EHBP1: variants seen among roughly 807,000 people sequenced by gnomAD.
EHBP1 encodes EH domain-binding protein 1.
EHBP1 carries 55 observed loss-of-function variants against 144.0 expected under a neutral mutation model. The ratio of observed to expected loss-of-function variants is 0.38; its 90% CI spans 0.31 to 0.48. The LOEUF is 0.48. Among genes scored for constraint, EHBP1 ranks in the 20% least tolerant of loss-of-function variants. The pLI, the probability that EHBP1 is intolerant of heterozygous loss-of-function variation, is 0.98. For synonymous variants in EHBP1, 469 were observed against 472.7 expected (o/e 0.99, Z 0.10); for missense variants, 1,200 against 1,364.2 (o/e 0.88, Z 1.90).
At chr2:62,806,977 A>G (rs996399264) in intron 5 of EHBP1, among the ~76,000 whole-genome samples, 2 of 151,796 alleles carry the variant, frequency 1.3e-5, no homozygotes, top group African/African-American at 4.8e-5. Flanking sequence ...TGGTTCCAGG[A>G]CCCCCTGCAG....
chr2:62,948,056 A>C (rs1000335191), intron 12 of EHBP1, among the ~76,000 whole-genome samples: 4 of 152,158 alleles, frequency 2.6e-5, no homozygotes, highest in African/African-American at 9.7e-5. Flanking sequence ...TGGAAAAAAT[A>C]TTTTAATTCT....
intron 10 of EHBP1, among the ~76,000 whole-genome samples, chr2:62,877,488 G>T (rs2050991563): frequency 6.6e-6 from 1 of 152,144 alleles, no homozygotes; most frequent in South Asian, 2.1e-4. Context: ...CTTGTCACTT[G>T]ACTAAATGGA....
intron 2 of EHBP1, among the ~76,000 whole-genome samples, chr2:62,743,198 A>AT (rs1435021273): frequency 5.3e-5 from 8 of 152,120 alleles, no homozygotes; most frequent in African/African-American, 1.4e-4. Context: ...TGCCTGTGTG[A>AT]TTTTCTAGTA....
In EHBP1 at chr2:62,972,540, A is replaced by G. The variant is rs139249572; in HGVS notation, c.2461-6648A>G. 8.4e-3 allele frequency among the ~76,000 whole-genome samples: 1,280 copies of G among 152,358 alleles called. 10 individuals carry two copies. The highest frequency in any genetic ancestry group is 0.014 in the Middle Eastern group (4 of 294). ...GTGCTATCAAACTAAAATTGATGGC[A>G]TAATCAATTACTATAATTACAAGCT... On this transcript the variant is annotated intron_variant, in intron 14 of 22. Coordinates refer to ENST00000431489, the MANE Select transcript of EHBP1 (RefSeq NM_001142616.3).
At chr2:62,849,004 G>A (rs907346625) in intron 7 of EHBP1, among the ~76,000 whole-genome samples, 1 of 152,154 alleles carries the variant, frequency 6.6e-6, no homozygotes, top group Non-Finnish European at 1.5e-5. Context: ...TTGATCTACT[G>A]TGTGGTATAG....
At chr2:62,899,064 C>T (rs940812379) in intron 10 of EHBP1, among the ~76,000 whole-genome samples, 1 of 152,112 alleles carries the variant, frequency 6.6e-6, no homozygotes, top group Admixed American at 6.6e-5. Flanking sequence ...AAGAAAAATG[C>T]AAACTATAAG....
chr2:62,958,963 T>A (rs1336233990), intron 14 of EHBP1, among the ~76,000 whole-genome samples: 1 of 152,216 alleles, frequency 6.6e-6, no homozygotes, highest in Non-Finnish European at 1.5e-5. Flanking sequence ...AATGTTTTAT[T>A]GCAGGTCTGC....
intron 19 of EHBP1, among the ~76,000 whole-genome samples, chr2:63,019,230 TC>T (rs1224312607): frequency 1.3e-5 from 2 of 152,202 alleles, no homozygotes; most frequent in Non-Finnish European, 2.9e-5. Context: ...ATACAGGTGA[TC>T]CACAGACCAC....
intron 2 of EHBP1, among the ~76,000 whole-genome samples, chr2:62,737,576 TAAG>T (rs1429358510): frequency 6.6e-6 from 1 of 152,220 alleles, no homozygotes; most frequent in East Asian, 1.9e-4. Context: ...GTTATGGATC[TAAG>T]AAGAGTTGTT....
At chr2:62,976,418 G>A (rs893531840) in intron 14 of EHBP1, among the ~76,000 whole-genome samples, 3 of 152,008 alleles carry the variant, frequency 2.0e-5, no homozygotes, top group African/African-American at 7.3e-5. Flanking sequence ...GTTTTTTAAG[G>A]CAACAGACTA....
chr2:62,687,338 G>A (rs372803339), intron 1 of EHBP1, among the ~76,000 whole-genome samples: 3 of 152,242 alleles, frequency 2.0e-5, no homozygotes, highest in Admixed American at 6.5e-5. Flanking sequence ...TTTGAATATT[G>A]GAAATAATAA....
chr2:62,923,191 C>T (rs1410087307), intron 10 of EHBP1, among the ~76,000 whole-genome samples: 2 of 152,176 alleles, frequency 1.3e-5, no homozygotes, highest in Admixed American at 6.5e-5. Context: ...ACACCACAAC[C>T]TCAGCAATAC....
intron 14 of EHBP1, among the ~76,000 whole-genome samples, chr2:62,972,313 T>C (rs1382558682): frequency 6.6e-6 from 1 of 152,210 alleles, no homozygotes; most frequent in African/African-American, 2.4e-5. Flanking sequence ...AAGATAATCA[T>C]TGTCCCTACT....
At chr2:62,896,931 A>G (rs988363245) in intron 10 of EHBP1, among the ~76,000 whole-genome samples, 1 of 152,176 alleles carries the variant, frequency 6.6e-6, no homozygotes, top group African/African-American at 2.4e-5. Context: ...AATGTAGCTG[A>G]TTACTTTTTC....
At chr2:62,729,432 A>AATAAAT (rs1553380031) in intron 2 of EHBP1, among the ~76,000 whole-genome samples, 18 of 111,500 alleles carry the variant, frequency 1.6e-4, no homozygotes, top group Non-Finnish European at 2.4e-4. Flanking sequence ...ATAATATAAT[A>AATAAAT]ATAATAAATA....
At chr2:62,703,390 G>A (rs2034335974), upstream of EHBP1, among the ~76,000 whole-genome samples, 1 of 152,020 alleles carries the variant, frequency 6.6e-6, no homozygotes, top group Non-Finnish European at 1.5e-5. Flanking sequence ...TATCAGCAAA[G>A]CAGGCCAAAA....
At chr2:62,732,796 TCA>T (rs1358382838) in intron 2 of EHBP1, among the ~76,000 whole-genome samples, 1 of 152,216 alleles carries the variant, frequency 6.6e-6, no homozygotes, top group Admixed American at 6.5e-5. Flanking sequence ...TGTAATTGTC[TCA>T]CAGTTTTTGG....
At chr2:62,880,795 A>G (rs562726076) in intron 10 of EHBP1, among the ~76,000 whole-genome samples, 19 of 152,282 alleles carry the variant, frequency 1.2e-4, no homozygotes, top group African/African-American at 4.1e-4. Flanking sequence ...ATACTTATAC[A>G]CTGCTGGTGG....
chr2:62,716,155 T>C (rs2035654209), intron 2 of EHBP1, among the ~76,000 whole-genome samples: 1 of 151,998 alleles, frequency 6.6e-6, no homozygotes, highest in East Asian at 1.9e-4. Context: ...CTATCTCCTC[T>C]ACTTCCAGAA....
Sources: allele counts gnomAD v4.1 joint callset (sites outside exome capture counted in the v4.1 genomes callset), GRCh38; gene constraint gnomAD v4.1.1; transcripts MANE v1.5; gene names NCBI Gene and HGNC (gene_info 2026-07-23, HGNC 2026-07-21).